The following SYT1 variants were observed in gnomAD, a reference collection of about 807,000 sequenced individuals.
SYT1 encodes synaptotagmin 1.
SYT1 carries 8 observed loss-of-function variants against 44.8 expected under a neutral mutation model. That is an observed-to-expected ratio of 0.18 (90% CI 0.10 to 0.32). The LOEUF (loss-of-function observed/expected upper bound fraction) is 0.32, where lower values mean the gene tolerates loss of function less well. Ranked by LOEUF, SYT1 falls within the 10% of genes least tolerant of loss-of-function variation. SYT1 has a pLI of 1.00. For missense variants in SYT1, 286 were observed against 509.3 expected, an observed-to-expected ratio of 0.56 and a Z score of 4.22; for synonymous variants, 154 against 188.8, an observed-to-expected ratio of 0.82 and a Z score of 1.51.
intron 3 of SYT1, among the ~76,000 whole-genome samples, chr12:79,195,865 A>G (rs978299610): frequency 3.9e-5 from 6 of 152,180 alleles, no homozygotes; most frequent in Non-Finnish European, 8.8e-5. Context: ...CAAAGTTAAA[A>G]CTACATGTCG....
At chr12:78,927,574 A>G (rs1042776762) in intron 1 of SYT1, among the ~76,000 whole-genome samples, 1 of 152,068 alleles carries the variant, frequency 6.6e-6, no homozygotes, top group African/African-American at 2.4e-5. Flanking sequence ...TTTGTTTTTA[A>G]CTGATATTCA....
At chr12:78,866,293 T>A (rs1394009725) in intron 1 of SYT1, among the ~76,000 whole-genome samples, 1 of 152,238 alleles carries the variant, frequency 6.6e-6, no homozygotes, top group African/African-American at 2.4e-5. Flanking sequence ...GTAAACATGA[T>A]GTTTATACAA....
rs554504599 is a variant in SYT1 at position 78,906,805 on chromosome 12, T to C, written c.-217+41696T>C. ...AGCACCACGGTATCCCTAGGCCGTA[T>C]TGATCATTCTGTCATTTTCAGGTTA... On this transcript the variant is annotated intron_variant, in intron 1 of 10. Coordinates refer to ENST00000261205, the MANE Select transcript of SYT1 (RefSeq NM_005639.3). 1.3e-4 allele frequency among the ~76,000 whole-genome samples: 20 copies of C among 152,232 alleles called. No homozygotes were observed. In the South Asian group the frequency reaches 2.3e-3, roughly 17 times the overall value.
intron 2 of SYT1, among the ~76,000 whole-genome samples, chr12:79,022,240 T>C (rs2137628070): frequency 6.6e-6 from 1 of 151,942 alleles, no homozygotes; most frequent in East Asian, 1.9e-4. Context: ...CTGAGTCTCT[T>C]AGATAGGGTA....
At chr12:78,932,688 T>C (rs1370388814) in intron 1 of SYT1, among the ~76,000 whole-genome samples, 1 of 152,176 alleles carries the variant, frequency 6.6e-6, no homozygotes, top group Non-Finnish European at 1.5e-5. Context: ...AATTTTATTT[T>C]CAATTGCCTT....
intron 3 of SYT1, among the ~76,000 whole-genome samples, chr12:79,196,456 G>A (rs575618285): frequency 5.9e-5 from 9 of 152,122 alleles, no homozygotes; most frequent in Admixed American, 4.6e-4. Context: ...ATGAGCCATC[G>A]CACCCGGCTG....
chr12:78,915,667 T>A (rs898177983), intron 1 of SYT1, among the ~76,000 whole-genome samples: 1 of 152,024 alleles, frequency 6.6e-6, no homozygotes, highest in Non-Finnish European at 1.5e-5. Flanking sequence ...ACAACAAAAT[T>A]TGTCTGAATA....
chr12:78,872,396 T>C (rs1338614351), intron 1 of SYT1, among the ~76,000 whole-genome samples: 4 of 151,868 alleles, frequency 2.6e-5, no homozygotes, highest in Non-Finnish European at 4.4e-5. Context: ...ATCTGTTTCA[T>C]CATTTATATA....
At chr12:79,326,266 A>G (rs769945166) in intron 8 of SYT1, among the ~76,000 whole-genome samples, 1 of 152,248 alleles carries the variant, frequency 6.6e-6, no homozygotes. Context: ...GCTATAGTTA[A>G]TAAGTCTTCC....
chr12:78,990,566 A>G (rs1869950570), intron 2 of SYT1, among the ~76,000 whole-genome samples: 1 of 152,148 alleles, frequency 6.6e-6, no homozygotes, highest in Non-Finnish European at 1.5e-5. Context: ...CTGCCATATC[A>G]CACGGTATTG....
intron 1 of SYT1, among the ~76,000 whole-genome samples, chr12:78,922,943 C>T (rs761059050): frequency 5.4e-5 from 8 of 146,834 alleles, no homozygotes; most frequent in East Asian, 2.0e-4. Flanking sequence ...ATAGTCAGGA[C>T]GAGAACCCAG....
chr12:79,222,278 T>C (rs1043259246), intron 4 of SYT1, among the ~76,000 whole-genome samples: 3 of 152,126 alleles, frequency 2.0e-5, no homozygotes, highest in Admixed American at 6.5e-5. Flanking sequence ...GTAGTCTTAT[T>C]TGGAATGAAT....
intron 9 of SYT1, among the ~76,000 whole-genome samples, chr12:79,383,863 T>A (rs758033887): frequency 2.6e-5 from 4 of 152,220 alleles, no homozygotes; most frequent in Non-Finnish European, 4.4e-5. Flanking sequence ...ACAAGATGAA[T>A]TCATCTCTAG....
chr12:79,448,907 G>A lies in SYT1; in HGVS notation c.1063-11G>A. 6.2e-7 allele frequency: 1 copy of A among 1,613,608 alleles called. No individual in the cohort carries two copies. The highest frequency in any genetic ancestry group is 8.5e-7 in the Non-Finnish European group (1 of 1,179,612). ...CTAGATGATTCATATTCATTTCATGGCTTCTTTCAGAAAGTGCAGGTGGTG... is the reference window on the plus strand; with the variant it reads ...CTAGATGATTCATATTCATTTCATGACTTCTTTCAGAAAGTGCAGGTGGTG... On this transcript the variant is annotated splice_polypyrimidine_tract_variant and intron_variant, in intron 10 of 10. Coordinates refer to ENST00000261205, the MANE Select transcript of SYT1 (RefSeq NM_005639.3).
At chr12:79,001,768 T>C (rs1870756686) in intron 2 of SYT1, among the ~76,000 whole-genome samples, 1 of 152,214 alleles carries the variant, frequency 6.6e-6, no homozygotes, top group African/African-American at 2.4e-5. Flanking sequence ...GTGATGCAGA[T>C]TTTAAAATAC....
chr12:79,415,539 T>G (rs932890148), intron 9 of SYT1, among the ~76,000 whole-genome samples: 4 of 152,314 alleles, frequency 2.6e-5, no homozygotes, highest in African/African-American at 9.6e-5. Context: ...TAAACATTTT[T>G]GTATGATAGC....
intron 3 of SYT1, among the ~76,000 whole-genome samples, chr12:79,178,430 A>G (rs1872036612): frequency 6.6e-6 from 1 of 152,060 alleles, no homozygotes; most frequent in Admixed American, 6.6e-5. Flanking sequence ...TCTTTCTGAC[A>G]TGTCTCCAAC....
intron 3 of SYT1, among the ~76,000 whole-genome samples, chr12:79,077,057 A>G (rs1431776029): frequency 6.6e-6 from 1 of 152,172 alleles, no homozygotes; most frequent in African/African-American, 2.4e-5. Context: ...TGCAGGCTGC[A>G]TCTCAGCATG....
At chr12:79,134,290 A>G (rs1210278230) in intron 3 of SYT1, among the ~76,000 whole-genome samples, 1 of 152,212 alleles carries the variant, frequency 6.6e-6, no homozygotes, top group East Asian at 1.9e-4. Context: ...GGCATATTTG[A>G]ATTACTATAA....
Sources: allele counts gnomAD v4.1 joint callset (sites outside exome capture counted in the v4.1 genomes callset), GRCh38; gene constraint gnomAD v4.1.1; transcripts MANE v1.5; gene names NCBI Gene and HGNC (gene_info 2026-07-23, HGNC 2026-07-21).